The following POU2AF2 variants were observed in gnomAD, a reference collection of about 807,000 sequenced individuals.
POU2AF2 encodes POU class 2 homeobox associating factor 2, also known as POU domain class 2-associating factor 2.
chr11:111,254,496 C>G, the POU2AF2 span, among the ~76,000 whole-genome samples: 1 of 152,102 alleles, frequency 6.6e-6, no homozygotes, highest in Non-Finnish European at 1.5e-5. Context: ...TTTTTGCCTT[C>G]TAATCCTCTG....
the POU2AF2 span, among the ~76,000 whole-genome samples, chr11:111,261,252 G>A: frequency 8.0e-6 from 1 of 124,790 alleles, no homozygotes; most frequent in Admixed American, 9.1e-5. Flanking sequence ...CCACCATCTA[G>A]TACCAAATAC....
chr11:111,252,595 C>A, the POU2AF2 span, among the ~76,000 whole-genome samples: 1 of 151,680 alleles, frequency 6.6e-6, no homozygotes, highest in Non-Finnish European at 1.5e-5. Context: ...CCGCCCACAC[C>A]CTGACTTTCT....
At chr11:111,267,714 C>T in the POU2AF2 span, among the ~76,000 whole-genome samples, 1 of 152,156 alleles carries the variant, frequency 6.6e-6, no homozygotes, top group African/African-American at 2.4e-5. Flanking sequence ...TCTGGTGACC[C>T]ACCCCTTCAA....
At chr11:111,255,676 G>A in the POU2AF2 span, among the ~76,000 whole-genome samples, 13 of 152,184 alleles carry the variant, frequency 8.5e-5, no homozygotes, top group Admixed American at 7.9e-4. Context: ...TGTGATTAAA[G>A]CATAATTTGT....
the POU2AF2 span, chr11:111,284,090 T>G: frequency 6.2e-7 from 1 of 1,613,746 alleles, no homozygotes; most frequent in East Asian, 2.2e-5. Flanking sequence ...GCCGGTCACG[T>G]CAGGTTACTA....
chr11:111,255,925 T>C, the POU2AF2 span: 1 of 398,790 alleles, frequency 2.5e-6, no homozygotes, highest in African/African-American at 2.1e-5. Flanking sequence ...ACATGTCCTT[T>C]GGGAGCTTAA....
the POU2AF2 span, among the ~76,000 whole-genome samples, chr11:111,267,343 GCC>G: frequency 1.3e-5 from 2 of 152,058 alleles, no homozygotes; most frequent in African/African-American, 4.8e-5. Flanking sequence ...GTGGCACCTG[GCC>G]CTCTCTGTCT....
chr11:111,271,315 C>A, the POU2AF2 span, among the ~76,000 whole-genome samples: 86 of 151,868 alleles, frequency 5.7e-4, no homozygotes, highest in Middle Eastern at 6.8e-3. Context: ...AAGAGCAAAA[C>A]TCCATCTCAA....
At chr11:111,284,588 AC>A in the POU2AF2 span, among the ~76,000 whole-genome samples, 1 of 152,238 alleles carries the variant, frequency 6.6e-6, no homozygotes. Context: ...AGGAGCGTCT[AC>A]GCAGGGCTTG....
At chr11:111,259,386 G>T in the POU2AF2 span, among the ~76,000 whole-genome samples, 1 of 150,816 alleles carries the variant, frequency 6.6e-6, no homozygotes, top group Admixed American at 6.6e-5. Flanking sequence ...CACAATCTCG[G>T]CTCACTGCAA....
the POU2AF2 span, among the ~76,000 whole-genome samples, chr11:111,267,868 A>G: frequency 7.9e-5 from 12 of 152,238 alleles, no homozygotes; most frequent in African/African-American, 2.9e-4. Context: ...ATGAAATATG[A>G]GAAAACATGG....
the POU2AF2 span, among the ~76,000 whole-genome samples, chr11:111,269,008 G>T: frequency 4.0e-4 from 60 of 151,746 alleles, 1 homozygote; most frequent in African/African-American, 1.2e-3. Flanking sequence ...ATTTATCCTT[G>T]CTACTTTTTC....
the POU2AF2 span, among the ~76,000 whole-genome samples, chr11:111,281,018 C>A: frequency 4.6e-5 from 7 of 152,136 alleles, no homozygotes; most frequent in African/African-American, 1.7e-4. Context: ...GTTTTAGGAA[C>A]CCACTGGGGA....
chr11:111,264,525 AAAG>A, the POU2AF2 span, among the ~76,000 whole-genome samples: 12 of 70,680 alleles, frequency 1.7e-4, no homozygotes, highest in African/African-American at 6.6e-4. Flanking sequence ...AGAAAGAAAG[AAAG>A]AAAGAAAGAA....
chr11:111,276,453 A>AATATATATAT, the POU2AF2 span, among the ~76,000 whole-genome samples: 242 of 37,192 alleles, frequency 6.5e-3, 1 homozygote, highest in East Asian at 0.018. Context: ...AAAAAAAAAA[A>AATATATATAT]ATATATATAT....
the POU2AF2 span, among the ~76,000 whole-genome samples, chr11:111,275,757 C>T: frequency 6.6e-6 from 1 of 152,156 alleles, no homozygotes; most frequent in Non-Finnish European, 1.5e-5. Context: ...ACACTTAATA[C>T]ATAATGAGCA....
At chr11:111,267,859 T>C in the POU2AF2 span, among the ~76,000 whole-genome samples, 1 of 152,216 alleles carries the variant, frequency 6.6e-6, no homozygotes, top group African/African-American at 2.4e-5. Flanking sequence ...TACCTTCTTA[T>C]GAAATATGAG....
chr11:111,254,280 T>A, the POU2AF2 span, among the ~76,000 whole-genome samples: 1 of 152,240 alleles, frequency 6.6e-6, no homozygotes, highest in South Asian at 2.1e-4. Context: ...TCTTTAATTA[T>A]AGCATATATG....
chr11:111,257,766 G>A, the POU2AF2 span, among the ~76,000 whole-genome samples: 1 of 152,314 alleles, frequency 6.6e-6, no homozygotes, highest in East Asian at 1.9e-4. Context: ...CTCCTTGTCT[G>A]CTCCTAGTTC....
Sources: allele counts gnomAD v4.1 joint callset (sites outside exome capture counted in the v4.1 genomes callset), GRCh38; gene constraint gnomAD v4.1.1; transcripts MANE v1.5; gene names NCBI Gene and HGNC (gene_info 2026-07-23, HGNC 2026-07-21).